USP3: variants seen among roughly 807,000 people sequenced by gnomAD.
USP3 encodes ubiquitin carboxyl-terminal hydrolase 3.
Under a neutral mutation model 72.3 loss-of-function variants are expected in USP3, and 20 were observed. That is an observed-to-expected ratio of 0.28 (90% CI 0.19 to 0.40). The LOEUF (loss-of-function observed/expected upper bound fraction) is 0.40, where lower values mean the gene tolerates loss of function less well. Among genes scored for constraint, USP3 ranks in the 10% least tolerant of loss-of-function variants. The pLI is 1.00. For synonymous variants in USP3, 222 were observed against 225.3 expected (o/e 0.99, Z 0.13); for missense variants, 479 against 633.9 (o/e 0.76, Z 2.62).
Position 63,553,770 on chromosome 15 carries a change from G to A in USP3, c.340G>A (p.Val114Ile). 1 of 1,613,072 alleles carries A rather than the reference G, an allele frequency of 6.2e-7. No homozygotes were observed. The highest frequency in any genetic ancestry group is 8.5e-7 in the Non-Finnish European group (1 of 1,179,426). Residue 114 changes from valine (V) to isoleucine (I), a missense_variant, in exon 4 of 15, where the codon GTC becomes ATC. By Grantham distance (29) the Val-to-Ile change is conservative. Coordinates refer to ENST00000380324, the MANE Select transcript of USP3 (RefSeq NM_006537.4). The surrounding 1 kb of genome is among the most constrained non-coding windows in gnomAD (Gnocchi z 4.2). ...NDTKLGLVQKVREHLQNLENS... is the reference protein window; with the variant it reads ...NDTKLGLVQKIREHLQNLENS... ...CACCAAGCTGGGACTGGTACAGAAA[G>A]TCAGAGAACACTTACAGAACTTGGA...
At chr15:63,523,338 A>G (rs1301848164) in intron 1 of USP3, among the ~76,000 whole-genome samples, 2 of 152,192 alleles carry the variant, frequency 1.3e-5, no homozygotes, top group Non-Finnish European at 2.9e-5. Flanking sequence ...GAGAGGAGGC[A>G]GGCTCTGGAA....
intron 1 of USP3, among the ~76,000 whole-genome samples, chr15:63,523,781 A>G (rs1245653004): frequency 1.3e-5 from 2 of 152,224 alleles, no homozygotes; most frequent in Non-Finnish European, 2.9e-5. Context: ...CTTGGGGTAA[A>G]GAGAAATAGA....
At chr15:63,531,155 A>G (rs751117717) in intron 1 of USP3, among the ~76,000 whole-genome samples, 16 of 152,224 alleles carry the variant, frequency 1.1e-4, no homozygotes, top group Non-Finnish European at 1.8e-4. Flanking sequence ...CTCAGGCAGT[A>G]ATCACTGTGC....
In USP3 at chr15:63,553,720, G is replaced by T. The variant is rs773563589; in HGVS notation, c.290G>T (p.Arg97Leu). ...GATTAATATTTTCCTTGCAGTTATC[G>T]CTGTGATGATTTTGTGGTTAATGAC... Reference protein sequence around the residue: ...DCSSYSTYCYRCDDFVVNDTK... With the variant: ...DCSSYSTYCYLCDDFVVNDTK... The change falls in exon 4 of 15, where the codon CGC becomes CTC. Residue 97 changes from arginine to leucine, a missense_variant. By Grantham distance (102) the Arg-to-Leu change is moderately radical. Coordinates refer to ENST00000380324, the MANE Select transcript of USP3 (RefSeq NM_006537.4). This position sits in a 1 kb window ranked among gnomAD's most constrained non-coding sequence, Gnocchi z 4.2. The T allele has an allele frequency of 6.2e-6, 10 of 1,612,110 alleles. No individual in the cohort carries two copies. The South Asian group carries it at 1.1e-4, about 18-fold the overall frequency.
intron 11 of USP3, among the ~76,000 whole-genome samples, chr15:63,575,678 T>G (rs2066852022): frequency 6.6e-6 from 1 of 152,202 alleles, no homozygotes; most frequent in Non-Finnish European, 1.5e-5. Flanking sequence ...CTGCAAAATA[T>G]ATGGCTCTAG....
chr15:63,521,186 C>T (rs1176618309), intron 1 of USP3, among the ~76,000 whole-genome samples: 2 of 149,020 alleles, frequency 1.3e-5, no homozygotes, highest in Non-Finnish European at 1.5e-5. Context: ...GATGTCACTC[C>T]ATGTTTGTAG....
At chr15:63,577,151 C>G (rs765787343) in intron 11 of USP3, among the ~76,000 whole-genome samples, 1 of 152,108 alleles carries the variant, frequency 6.6e-6, no homozygotes, top group African/African-American at 2.4e-5. Flanking sequence ...GTTCTAAAAC[C>G]TGACAGATAC....
chr15:63,553,870 G>C lies in USP3; in HGVS notation c.368+72G>C. 8.3e-7 allele frequency: 1 copy of C among 1,209,550 alleles called. No individual in the cohort carries two copies. The highest frequency in any genetic ancestry group is 2.4e-5 in the Admixed American group (1 of 41,550). The allele number at this position is 1,209,550 out of a possible 1,614,324, so 74.9% of individuals were successfully genotyped here. A position where few individuals can be genotyped will look rare whatever the true frequency, so the allele number is the denominator to read the frequency against. On this transcript the variant is annotated intron_variant, in intron 4 of 14. Transcript: ENST00000380324. The surrounding 1 kb of genome is among the most constrained non-coding windows in gnomAD (Gnocchi z 4.2). Reference sequence around the variant, plus strand: ...AGGAGTCTTTTAGAATTTTTGAGTGGGGTTTTTGTTGATGAGTTTAATAAC... The same window carrying C: ...AGGAGTCTTTTAGAATTTTTGAGTGCGGTTTTTGTTGATGAGTTTAATAAC...
chr15:63,579,302 C>T (rs183465331), intron 11 of USP3, among the ~76,000 whole-genome samples: 1 of 152,216 alleles, frequency 6.6e-6, no homozygotes, highest in East Asian at 1.9e-4. Flanking sequence ...CCTCTGTACG[C>T]AGAAATTCTC....
chr15:63,507,480 G>C (rs187995656), intron 1 of USP3, among the ~76,000 whole-genome samples: 5 of 152,116 alleles, frequency 3.3e-5, no homozygotes, highest in Admixed American at 2.0e-4. Flanking sequence ...TGAGAAACTT[G>C]TATACACTGT....
intron 1 of USP3, among the ~76,000 whole-genome samples, chr15:63,516,317 G>A (rs1177299544): frequency 6.6e-6 from 1 of 152,098 alleles, no homozygotes; most frequent in African/African-American, 2.4e-5. Context: ...ATTTGAAATA[G>A]TTCTCCAGGC....
In USP3 at chr15:63,544,535, G is replaced by A. The variant is rs1373265713; in HGVS notation, c.284+7379G>A. On this transcript the variant is annotated intron_variant, in intron 3 of 14. Transcript: ENST00000380324. The surrounding 1 kb of genome is among the most constrained non-coding windows in gnomAD (Gnocchi z 4.2). ...TGCAGGGCAAAAACAGGAAGGAAAC[G>A]AGTGTTTCTAAAGTTAGAATTTTTT... 3 of 572,522 alleles carry A rather than the reference G, an allele frequency of 5.2e-6. No homozygotes were observed. The highest frequency in any genetic ancestry group is 2.2e-5 in the South Asian group (1 of 44,836). 35.5% of individuals were successfully genotyped at this position (572,522 alleles called of 1,614,324 possible). A position where few individuals can be genotyped will look rare whatever the true frequency, so the allele number is the denominator to read the frequency against.
Position 63,576,859 on chromosome 15 carries a change from A to G in USP3, c.1096+2456A>G, listed in dbSNP as rs535032458. ...GTTGACCACCCTTATCATTAAGGGC[A>G]CTTCTCTTCTTGGACATCCAGAATG... On this transcript the variant is annotated intron_variant, in intron 11 of 14. Coordinates refer to ENST00000380324, the MANE Select transcript of USP3 (RefSeq NM_006537.4). 8.5e-5 allele frequency among the ~76,000 whole-genome samples: 13 copies of G among 152,252 alleles called. No individual in the cohort carries two copies. The South Asian group carries it at 1.7e-3, about 19-fold the overall frequency.
chr15:63,588,876 A>C lies in USP3; in HGVS notation c.1329+61A>C. 2 of 1,610,232 alleles carry C rather than the reference A, an allele frequency of 1.2e-6. No homozygotes were observed. Among genetic ancestry groups the C allele is most frequent in the African/African-American group, 1.3e-5 (1 of 74,944 alleles). On this transcript the variant is annotated intron_variant, in intron 13 of 14. Transcript: ENST00000380324. This position sits in a 1 kb window ranked among gnomAD's most constrained non-coding sequence, Gnocchi z 4.6. ...GGCTCTTCAGTAAGATTGTCATCACATGGAGAGGGTAGAGGTCATCGAGAT... is the reference window on the plus strand; with the variant it reads ...GGCTCTTCAGTAAGATTGTCATCACCTGGAGAGGGTAGAGGTCATCGAGAT...
chr15:63,564,066 TTACCACTGTCCA>T (rs2066649149), intron 8 of USP3, among the ~76,000 whole-genome samples: 1 of 152,216 alleles, frequency 6.6e-6, no homozygotes, highest in African/African-American at 2.4e-5. Context: ...GACAGTTAAG[TTACCACTGTCCA>T]GGTCTGGACC....
intron 1 of USP3, chr15:63,530,578 G>A (rs886145122): frequency 4.0e-5 from 17 of 422,274 alleles, no homozygotes; most frequent in African/African-American, 2.8e-4. Flanking sequence ...CTCCCAAAGT[G>A]TTGGGACTAC....
intron 5 of USP3, among the ~76,000 whole-genome samples, chr15:63,557,583 A>C (rs1437282417): frequency 6.6e-6 from 1 of 152,130 alleles, no homozygotes; most frequent in Non-Finnish European, 1.5e-5. Context: ...TTTAGTAGAG[A>C]CGGAGTTTCG....
chr15:63,577,479 G>A (rs1250234799), intron 11 of USP3, among the ~76,000 whole-genome samples: 3 of 152,132 alleles, frequency 2.0e-5, no homozygotes, highest in South Asian at 2.1e-4. Flanking sequence ...AAAGAAGGCC[G>A]GGCGTGGTGG....
At chr15:63,569,489 C>T (rs1324731639) in intron 8 of USP3, among the ~76,000 whole-genome samples, 7 of 152,132 alleles carry the variant, frequency 4.6e-5, no homozygotes, top group African/African-American at 1.7e-4. Context: ...TTTTATGGAA[C>T]CGTTGCCTGG....
Sources: allele counts gnomAD v4.1 joint callset (sites outside exome capture counted in the v4.1 genomes callset), GRCh38; gene constraint gnomAD v4.1.1; non-coding constraint Gnocchi (gnomAD v3.1); transcripts MANE v1.5; gene names NCBI Gene and HGNC (gene_info 2026-07-23, HGNC 2026-07-21).